EPM2A: variants seen among roughly 807,000 people sequenced by gnomAD.
EPM2A encodes EPM2A glucan phosphatase, laforin, also known as laforin.
A neutral mutation model predicts 26.5 loss-of-function variants in EPM2A; 21 were observed. The observed-to-expected ratio is 0.79, with a 90% CI of 0.56 to 1.14. The LOEUF is 1.14. EPM2A is among the 50% of genes most tolerant of loss of function. The probability of loss-of-function intolerance (pLI) is 0.00; values close to 1 mark genes in which losing one functional copy is unlikely to be tolerated. For missense variants in EPM2A, 458 were observed against 440.8 expected (o/e 1.04, Z -0.35); for synonymous variants, 217 against 177.6 (o/e 1.22, Z -1.76).
chr6:145,538,376 C>A (rs577419819), intron 2 of EPM2A, among the ~76,000 whole-genome samples: 86 of 152,244 alleles, frequency 5.6e-4, no homozygotes, highest in African/African-American at 1.9e-3. Flanking sequence ...CATGCCTGAG[C>A]AAATAGATTT....
chr6:145,498,657 C>G (rs1302476662), downstream of EPM2A, among the ~76,000 whole-genome samples: 1 of 152,226 alleles, frequency 6.6e-6, no homozygotes, highest in Non-Finnish European at 1.5e-5. Flanking sequence ...TGGGCTGTCA[C>G]TCTGCCCTGC....
intron 3 of EPM2A, 179 bp downstream of exon 3, chr6:145,635,066 C>T (rs531659877): frequency 5.9e-5 from 39 of 665,454 alleles, no homozygotes; most frequent in Non-Finnish European, 8.4e-5. Flanking sequence ...AAAGAAGCCA[C>T]ATTAAACAGA....
At chr6:145,540,469 T>G (rs1216476393) in intron 2 of EPM2A, among the ~76,000 whole-genome samples, 1 of 152,168 alleles carries the variant, frequency 6.6e-6, no homozygotes, top group Non-Finnish European at 1.5e-5. Context: ...TTACTTGGTG[T>G]GAATCGCTAA....
At chr6:145,724,279 C>T (rs1209890154) in intron 1 of EPM2A, among the ~76,000 whole-genome samples, 1 of 151,952 alleles carries the variant, frequency 6.6e-6, no homozygotes, top group South Asian at 2.1e-4. Context: ...AATTTATTTC[C>T]TAGATATCAG....
intron 4 of EPM2A, among the ~76,000 whole-genome samples, chr6:145,408,221 A>G (rs1373948494): frequency 6.6e-6 from 1 of 152,092 alleles, no homozygotes; most frequent in Non-Finnish European, 1.5e-5. Context: ...GGCATTTTCT[A>G]TTGTCCACCC....
chr6:145,648,003 G>T (rs1157812074), intron 2 of EPM2A, among the ~76,000 whole-genome samples: 1 of 152,062 alleles, frequency 6.6e-6, no homozygotes, highest in African/African-American at 2.4e-5. Flanking sequence ...TGCTTTAACT[G>T]CCAGAAAAAA....
intron 2 of EPM2A, among the ~76,000 whole-genome samples, chr6:145,513,092 GC>G (rs1438435884): frequency 2.0e-5 from 3 of 152,080 alleles, no homozygotes; most frequent in Non-Finnish European, 4.4e-5. Context: ...TGCCTGCACA[GC>G]AAAGAAATAA....
At chr6:145,455,373 T>C (rs1044394433) in intron 4 of EPM2A, among the ~76,000 whole-genome samples, 70 of 152,314 alleles carry the variant, frequency 4.6e-4, no homozygotes, top group African/African-American at 1.7e-3. Flanking sequence ...TTTTTTCTTT[T>C]TTGAGACCGA....
Position 145,383,772 on chromosome 6 carries a change from T to A in EPM2A, c.*252A>T, listed in dbSNP as rs77765344. On this transcript the variant is annotated 3_prime_UTR_variant, in exon 5 of 5. Transcript: ENST00000638717. The stretch of plus-strand genomic sequence containing the variant: ...TTAAATAAAAACATAAGACACAAGA[T>A]TTCAACTTTTGTCTAGTCAAAATAT... The A allele has an allele frequency of 3.1e-4, 47 of 152,304 alleles. 1 individual carries two copies. In the East Asian group the frequency reaches 7.7e-3, roughly 25 times the overall value. 9.4% of individuals were successfully genotyped at this position (152,304 alleles called of 1,614,324 possible).
intron 2 of EPM2A, among the ~76,000 whole-genome samples, chr6:145,584,432 G>A (rs1449850818): frequency 6.6e-6 from 1 of 152,188 alleles, no homozygotes; most frequent in African/African-American, 2.4e-5. Context: ...AGATTGCCCT[G>A]CTCTGTACAG....
At chr6:145,726,727 A>AG (rs1776225081) in intron 1 of EPM2A, among the ~76,000 whole-genome samples, 1 of 152,190 alleles carries the variant, frequency 6.6e-6, no homozygotes, top group Non-Finnish European at 1.5e-5. Context: ...CCTGATGAAT[A>AG]CTATTCAAAA....
chr6:145,614,547 G>A (rs1390201053), intron 2 of EPM2A, among the ~76,000 whole-genome samples: 2 of 152,294 alleles, frequency 1.3e-5, no homozygotes, highest in African/African-American at 2.4e-5. Flanking sequence ...TTAATTTAAA[G>A]TAAGAGACAT....
chr6:145,664,671 C>A (rs533847207), intron 2 of EPM2A, among the ~76,000 whole-genome samples: 20 of 152,296 alleles, frequency 1.3e-4, no homozygotes, highest in African/African-American at 4.8e-4. Context: ...ACCTAATCGA[C>A]ATCTACAGAA....
At chr6:145,502,993 T>C (rs1327213008) in intron 2 of EPM2A, among the ~76,000 whole-genome samples, 1 of 152,230 alleles carries the variant, frequency 6.6e-6, no homozygotes, top group African/African-American at 2.4e-5. Context: ...AATTTTTAGC[T>C]TTAGCTTTGC....
intron 2 of EPM2A, among the ~76,000 whole-genome samples, chr6:145,524,071 T>G (rs1196425141): frequency 1.3e-5 from 2 of 152,226 alleles, no homozygotes; most frequent in African/African-American, 4.8e-5. Context: ...ATTAATTCAC[T>G]TAGGATAATG....
intron 2 of EPM2A, among the ~76,000 whole-genome samples, chr6:145,599,806 G>A (rs904434482): frequency 1.1e-4 from 16 of 151,848 alleles, no homozygotes; most frequent in Middle Eastern, 3.8e-3. Flanking sequence ...GATCACTTAA[G>A]TATTAAAAAT....
chr6:145,417,139 TAGATA>T, intron 4 of EPM2A, among the ~76,000 whole-genome samples: 1 of 152,316 alleles, frequency 6.6e-6, no homozygotes, highest in East Asian at 1.9e-4. Flanking sequence ...GCTCAGCGAT[TAGATA>T]AGATTCCTCA....
intron 2 of EPM2A, among the ~76,000 whole-genome samples, chr6:145,615,775 A>C (rs1314272639): frequency 6.6e-6 from 1 of 152,108 alleles, no homozygotes; most frequent in Admixed American, 6.5e-5. Context: ...TTTAGCAAAG[A>C]GATTGGTGGC....
intron 2 of EPM2A, among the ~76,000 whole-genome samples, chr6:145,668,572 A>G (rs1329169104): frequency 6.6e-6 from 1 of 152,126 alleles, no homozygotes; most frequent in Non-Finnish European, 1.5e-5. Context: ...CTCTGGGGCA[A>G]GAAAGTAGAG....
Sources: allele counts gnomAD v4.1 joint callset (sites outside exome capture counted in the v4.1 genomes callset), GRCh38; gene constraint gnomAD v4.1.1; transcripts MANE v1.5; gene names NCBI Gene and HGNC (gene_info 2026-07-23, HGNC 2026-07-21).